The following TMEM196 variants were observed in gnomAD, a reference collection of about 807,000 sequenced individuals.
TMEM196 encodes the protein transmembrane protein 196.
TMEM196 carries 17 observed loss-of-function variants against 20.0 expected under a neutral mutation model. The ratio of observed to expected loss-of-function variants is 0.85; its 90% CI spans 0.58 to 1.27. The LOEUF is 1.27. TMEM196 is among the 50% of genes most tolerant of loss of function. The pLI is 0.00. For synonymous variants in TMEM196, 113 were observed against 88.9 expected (o/e 1.27, Z -1.52); for missense variants, 267 against 223.0 (o/e 1.20, Z -1.26).
At chr7:19,731,742 T>A (rs752888993) in intron 1 of TMEM196, among the ~76,000 whole-genome samples, 5 of 152,202 alleles carry the variant, frequency 3.3e-5, no homozygotes, top group Non-Finnish European at 5.9e-5. Flanking sequence ...GCAATAAATT[T>A]GCTATTTTGT....
rs1432754271 is a variant in TMEM196 at position 19,720,718 on chromosome 7, C to T, written c.*1410G>A. Reference sequence around the variant, plus strand: ...TGAATCTAGCTATACAAATGTTAGCCTATCTTTTCACTTTTTCCTCAAAGA... The same window carrying T: ...TGAATCTAGCTATACAAATGTTAGCTTATCTTTTCACTTTTTCCTCAAAGA... On this transcript the variant is annotated 3_prime_UTR_variant, in exon 5 of 5. Transcript: ENST00000405844. 6.6e-6 allele frequency: 1 copy of T among 151,830 alleles called. No individual in the cohort carries two copies. The highest frequency in any genetic ancestry group is 1.5e-5 in the Non-Finnish European group (1 of 67,800). 9.4% of individuals were successfully genotyped at this position (151,830 alleles called of 1,614,324 possible).
chr7:19,772,648 G>A lies in TMEM196; in HGVS notation c.49C>T (p.Leu17=). Reference sequence around the variant, plus strand: ...CTGGACACCCCCAGCCCTATCTCCAGCACGGAGAGCACCAAGAGGCTCCCA... The same window carrying A: ...CTGGACACCCCCAGCCCTATCTCCAACACGGAGAGCACCAAGAGGCTCCCA... ...IIGSLLVLSV[L]EIGLGVSSVA... Residue 17 remains leucine, a synonymous_variant, in exon 1 of 5, where the codon CTG becomes TTG. Coordinates refer to ENST00000405844, the MANE Select transcript of TMEM196 (RefSeq NM_001363562.2). 1 of 1,544,318 alleles carries A rather than the reference G, an allele frequency of 6.5e-7. No homozygotes were observed. Among genetic ancestry groups the A allele is most frequent in the South Asian group, 1.2e-5 (1 of 83,244 alleles).
chr7:19,729,749 T>C (rs1044588180), intron 1 of TMEM196, among the ~76,000 whole-genome samples: 3 of 152,190 alleles, frequency 2.0e-5, no homozygotes, highest in East Asian at 3.8e-4. Flanking sequence ...CCTTTCTACT[T>C]TCTCAGGGAG....
chr7:19,741,112 G>A (rs1040757737), intron 1 of TMEM196, among the ~76,000 whole-genome samples: 3 of 152,046 alleles, frequency 2.0e-5, no homozygotes, highest in African/African-American at 7.2e-5. Context: ...GATTGAAAAA[G>A]GAATTATGCT....
At chr7:19,749,823 C>T (rs1784894841) in intron 1 of TMEM196, among the ~76,000 whole-genome samples, 1 of 152,188 alleles carries the variant, frequency 6.6e-6, no homozygotes, top group South Asian at 2.1e-4. Context: ...GCTCAGCCCG[C>T]TGCAGTGGAA....
intron 1 of TMEM196, among the ~76,000 whole-genome samples, chr7:19,764,715 G>A (rs1244656749): frequency 1.3e-5 from 2 of 152,080 alleles, no homozygotes; most frequent in Non-Finnish European, 2.9e-5. Flanking sequence ...CAACACTAAG[G>A]CTTAAGCTTT....
intron 4 of TMEM196, among the ~76,000 whole-genome samples, chr7:19,722,929 T>C (rs1173105038): frequency 6.6e-6 from 1 of 152,102 alleles, no homozygotes; most frequent in Non-Finnish European, 1.5e-5. Flanking sequence ...ATTTTAATGG[T>C]TAGAGCACCA....
At chr7:19,760,071 C>T (rs1028330642) in intron 1 of TMEM196, among the ~76,000 whole-genome samples, 2 of 152,048 alleles carry the variant, frequency 1.3e-5, no homozygotes, top group Non-Finnish European at 2.9e-5. Flanking sequence ...AATTTTTACC[C>T]CTATTAGGCT....
intron 1 of TMEM196, among the ~76,000 whole-genome samples, chr7:19,731,653 A>G (rs17355292): frequency 0.024 from 3,625 of 152,322 alleles, 68 homozygotes; most frequent in Non-Finnish European, 0.039. Context: ...GCCATTATTC[A>G]TTTACAGTAA....
At chr7:19,724,190 G>A in intron 4 of TMEM196, 90 bp downstream of exon 4, 1 of 1,154,536 alleles carries the variant, frequency 8.7e-7, no homozygotes, top group South Asian at 1.3e-5. Flanking sequence ...CATCAGTTCA[G>A]ACTGATCTGT....
At chr7:19,756,330 T>C (rs1785209291) in intron 1 of TMEM196, among the ~76,000 whole-genome samples, 1 of 151,652 alleles carries the variant, frequency 6.6e-6, no homozygotes, top group Non-Finnish European at 1.5e-5. Context: ...AAATCTAGTA[T>C]GTATTTTTTA....
intron 1 of TMEM196, among the ~76,000 whole-genome samples, chr7:19,748,120 T>C (rs1784827190): frequency 2.0e-5 from 3 of 151,868 alleles, no homozygotes; most frequent in Admixed American, 1.3e-4. Context: ...TATGATTTTC[T>C]GGGGCATTGC....
At chr7:19,768,747 T>A (rs1056109766) in intron 1 of TMEM196, among the ~76,000 whole-genome samples, 1 of 152,204 alleles carries the variant, frequency 6.6e-6, no homozygotes, top group Non-Finnish European at 1.5e-5. Context: ...TCTTTCTCTA[T>A]GAAATTATAG....
chr7:19,772,383 G>A (rs1353039969), intron 1 of TMEM196, among the ~76,000 whole-genome samples, 167 bp downstream of exon 1: 2 of 140,430 alleles, frequency 1.4e-5, no homozygotes. Context: ...AACGAATAAA[G>A]GACAATATAA....
intron 1 of TMEM196, among the ~76,000 whole-genome samples, chr7:19,753,020 C>T (rs1475358479): frequency 6.6e-6 from 1 of 152,164 alleles, no homozygotes; most frequent in Non-Finnish European, 1.5e-5. Context: ...TGTGGATCTT[C>T]TACAGCCAAA....
intron 1 of TMEM196, among the ~76,000 whole-genome samples, chr7:19,748,262 C>T (rs76969058): frequency 3.6e-5 from 1 of 27,530 alleles, no homozygotes; most frequent in East Asian, 2.0e-3. Flanking sequence ...CTGTGGCTGT[C>T]CAAAAAAAAA....
chr7:19,729,487 C>T (rs752674748), intron 1 of TMEM196, 49 bp from the exon 2 acceptor site: 22 of 1,519,344 alleles, frequency 1.4e-5, no homozygotes, highest in Middle Eastern at 1.7e-4. Flanking sequence ...GACACGAGGA[C>T]CCCTAGATTT....
chr7:19,757,496 C>T (rs1785268017), intron 1 of TMEM196, among the ~76,000 whole-genome samples: 1 of 151,996 alleles, frequency 6.6e-6, no homozygotes, highest in Admixed American at 6.6e-5. Context: ...CCCGCCTTGG[C>T]CTCCCAAGTG....
chr7:19,723,713 T>G (rs1023176778), intron 4 of TMEM196, among the ~76,000 whole-genome samples: 1 of 152,138 alleles, frequency 6.6e-6, no homozygotes, highest in African/African-American at 2.4e-5. Context: ...CCATGTGACT[T>G]TCTGTCTGTC....
Sources: gnomAD v4.1 joint callset for allele counts (sites outside exome capture counted in the v4.1 genomes callset) on GRCh38, gnomAD v4.1.1 for gene constraint, MANE v1.5 for transcripts, NCBI Gene and HGNC (gene_info 2026-07-23, HGNC 2026-07-21) for gene names.